ABCC4: variants seen among roughly 807,000 people sequenced by gnomAD.
ABCC4 encodes the protein ATP-binding cassette sub-family C member 4.
Under a neutral mutation model 168.5 loss-of-function variants are expected in ABCC4, and 102 were observed. That is an observed-to-expected ratio of 0.61 (90% CI 0.52 to 0.71). The LOEUF (loss-of-function observed/expected upper bound fraction) is 0.71. Among genes scored for constraint, ABCC4 ranks in the 30% least tolerant of loss-of-function variants. The pLI is 0.00. For synonymous variants in ABCC4, 617 were observed against 590.7 expected, an observed-to-expected ratio of 1.04 and a Z score of -0.65; for missense variants, 1,402 against 1,605.8, an observed-to-expected ratio of 0.87 and a Z score of 2.17.
chr13:95,170,702 A>AACCGTAGTCAAAGACAAC, intron 13 of ABCC4, 74 bp from the exon 14 acceptor site: 1 of 866,840 alleles, frequency 1.2e-6, no homozygotes, highest in Non-Finnish European at 1.8e-6. Context: ...TACATTTTGA[A>AACCGTAGTCAAAGACAAC]ACCGTAGTCA....
chr13:95,190,272 G>A (rs1024371964), intron 9 of ABCC4, among the ~76,000 whole-genome samples: 1 of 152,182 alleles, frequency 6.6e-6, no homozygotes, highest in African/African-American at 2.4e-5. Context: ...ACCGGAGGCT[G>A]AGGTTGCAGT....
chr13:95,208,911 C>A (rs528008100), intron 6 of ABCC4, among the ~76,000 whole-genome samples: 1 of 152,270 alleles, frequency 6.6e-6, no homozygotes, highest in South Asian at 2.1e-4. Context: ...TCAGCCACCA[C>A]GACCAGCTAA....
At chr13:95,125,176 C>A (rs2035714505) in intron 19 of ABCC4, among the ~76,000 whole-genome samples, 1 of 152,194 alleles carries the variant, frequency 6.6e-6, no homozygotes, top group African/African-American at 2.4e-5. Context: ...TCATACCCAG[C>A]TCCTGGAGGT....
intron 17 of ABCC4, 46 bp downstream of exon 17, chr13:95,163,564 T>G (rs1306273460): frequency 1.3e-6 from 2 of 1,531,336 alleles, no homozygotes; most frequent in East Asian, 2.3e-5. Context: ...GCGAGTCTTC[T>G]TACTGATTTT....
At chr13:95,181,345 C>T (rs1313922956) in intron 11 of ABCC4, among the ~76,000 whole-genome samples, 1 of 152,266 alleles carries the variant, frequency 6.6e-6, no homozygotes, top group Non-Finnish European at 1.5e-5. Flanking sequence ...GAGAGCAGGG[C>T]TCTCCAGCTT....
At chr13:95,291,817 C>T (rs1195907872) in intron 1 of ABCC4, among the ~76,000 whole-genome samples, 2 of 152,054 alleles carry the variant, frequency 1.3e-5, no homozygotes, top group African/African-American at 4.8e-5. Context: ...TGTGGTGGCG[C>T]GTGCCTGTAA....
At chr13:95,126,762 T>A (rs1328332796) in intron 19 of ABCC4, among the ~76,000 whole-genome samples, 2 of 140,102 alleles carry the variant, frequency 1.4e-5, no homozygotes, top group African/African-American at 2.6e-5. Context: ...TATTCCAAAA[T>A]ATATATATAT....
intron 29 of ABCC4, chr13:95,043,227 CCT>C (rs1324328333): frequency 1.3e-5 from 2 of 153,510 alleles, no homozygotes; most frequent in Admixed American, 1.3e-4. Flanking sequence ...CATCTCTTCC[CCT>C]GTGACACGTA....
At chr13:95,196,206 T>G (rs1273529396) in intron 8 of ABCC4, among the ~76,000 whole-genome samples, 1 of 126,406 alleles carries the variant, frequency 7.9e-6, no homozygotes, top group East Asian at 2.0e-4. Flanking sequence ...CATCCAAAAT[T>G]TTGTAGATGT....
Position 95,021,030 on chromosome 13 carries a change from C to G in ABCC4, c.*545G>C, listed in dbSNP as rs2031059240. 6.6e-6 allele frequency: 1 copy of G among 152,238 alleles called. No individual in the cohort carries two copies. Among genetic ancestry groups the G allele is most frequent in the African/African-American group, 2.4e-5 (1 of 41,338 alleles). 9.4% of individuals were successfully genotyped at this position (152,238 alleles called of 1,614,324 possible). A position where few individuals can be genotyped will look rare whatever the true frequency, so the allele number is the denominator to read the frequency against. On this transcript the variant is annotated 3_prime_UTR_variant, in exon 31 of 31. Coordinates refer to ENST00000645237, the MANE Select transcript of ABCC4 (RefSeq NM_005845.5). The stretch of plus-strand genomic sequence containing the variant: ...TTTGATGGGGAGTAAGGGGTACACA[C>G]TCCCTACTACAATGTCACAAACTTT...
At chr13:95,144,550 G>A (rs925964846) in intron 19 of ABCC4, among the ~76,000 whole-genome samples, 1 of 152,148 alleles carries the variant, frequency 6.6e-6, no homozygotes, top group African/African-American at 2.4e-5. Flanking sequence ...CTTCAGCAAA[G>A]TTACGGGATA....
chr13:95,264,967 C>A (rs1008041873), intron 1 of ABCC4, among the ~76,000 whole-genome samples: 2 of 147,896 alleles, frequency 1.4e-5, no homozygotes, highest in African/African-American at 5.0e-5. Flanking sequence ...TTCCTGGGTT[C>A]AAGCGATTCT....
At chr13:95,166,517 T>C (rs915641294) in intron 14 of ABCC4, 150 bp from the exon 15 acceptor site, 2 of 668,850 alleles carry the variant, frequency 3.0e-6, no homozygotes, top group Non-Finnish European at 2.5e-6. Context: ...ACAATTCAAC[T>C]TGATACACAA....
intron 20 of ABCC4, among the ~76,000 whole-genome samples, chr13:95,092,893 A>G (rs2034479643): frequency 6.6e-6 from 1 of 152,152 alleles, no homozygotes; most frequent in Non-Finnish European, 1.5e-5. Context: ...ACAAAAGATC[A>G]TTCAAGGCTA....
intron 30 of ABCC4, among the ~76,000 whole-genome samples, chr13:95,027,317 C>G (rs1349012847): frequency 6.6e-6 from 1 of 152,066 alleles, no homozygotes; most frequent in Admixed American, 6.5e-5. Flanking sequence ...TACACAGGGA[C>G]TTGGTACGCA....
chr13:95,041,677 G>A (rs776576478), intron 29 of ABCC4, among the ~76,000 whole-genome samples: 4 of 151,790 alleles, frequency 2.6e-5, no homozygotes, highest in Non-Finnish European at 5.9e-5. Flanking sequence ...GCAAACAAGG[G>A]GAAAAAACAA....
chr13:95,066,597 T>A (rs1382705349), intron 25 of ABCC4, among the ~76,000 whole-genome samples: 1 of 152,234 alleles, frequency 6.6e-6, no homozygotes, highest in Non-Finnish European at 1.5e-5. Context: ...ACACCTCTTA[T>A]CTTGTTTAAG....
rs577966902 is a variant in ABCC4 at position 95,255,635 on chromosome 13, C to A, written c.75-7882G>T. Among the ~76,000 whole-genome samples, 17 of 152,202 alleles carry A rather than the reference C, an allele frequency of 1.1e-4. 1 individual carries two copies. The highest frequency in any genetic ancestry group is 2.4e-4 in the Non-Finnish European group (16 of 68,034). ...ATTTTTCCTCTAACGTTCCTCCCTT[C>A]CTAAAACACGCTCAAAGCCCATTTT... On this transcript the variant is annotated intron_variant, in intron 1 of 30. Coordinates refer to ENST00000645237, the MANE Select transcript of ABCC4 (RefSeq NM_005845.5).
intron 1 of ABCC4, among the ~76,000 whole-genome samples, chr13:95,279,611 T>C (rs577490012): frequency 6.6e-6 from 1 of 151,988 alleles, no homozygotes; most frequent in Non-Finnish European, 1.5e-5. Flanking sequence ...GAGAGGAAGA[T>C]GGAGTGGAAA....
Sources: gnomAD v4.1 joint callset for allele counts (sites outside exome capture counted in the v4.1 genomes callset) on GRCh38, gnomAD v4.1.1 for gene constraint, MANE v1.5 for transcripts, NCBI Gene and HGNC (gene_info 2026-07-23, HGNC 2026-07-21) for gene names.